XKR4: variants seen among roughly 807,000 people sequenced by gnomAD.
XKR4 encodes the protein XK-related protein 4.
XKR4 carries 12 observed loss-of-function variants against 53.9 expected under a neutral mutation model. That is an observed-to-expected ratio of 0.22 (90% CI 0.14 to 0.36). The LOEUF is 0.36. Ranked by LOEUF, XKR4 falls within the 10% of genes least tolerant of loss-of-function variation. XKR4 has a pLI of 1.00. For missense variants in XKR4, 799 were observed against 859.5 expected (o/e 0.93, Z 0.88); for synonymous variants, 354 against 362.4 (o/e 0.98, Z 0.26).
At chr8:55,407,586 A>C (rs1484471616) in intron 2 of XKR4, among the ~76,000 whole-genome samples, 1 of 152,136 alleles carries the variant, frequency 6.6e-6, no homozygotes, top group Non-Finnish European at 1.5e-5. Context: ...CGGGCTCAAC[A>C]TCGGCTCCAC....
chr8:55,394,687 TA>T (rs752096957), intron 2 of XKR4, among the ~76,000 whole-genome samples: 3 of 152,190 alleles, frequency 2.0e-5, no homozygotes, highest in East Asian at 3.8e-4. Context: ...AGCTATTCCA[TA>T]AGCATTTCTT....
At chr8:55,423,504 C>T (rs549051846) in intron 2 of XKR4, among the ~76,000 whole-genome samples, 14 of 152,324 alleles carry the variant, frequency 9.2e-5, no homozygotes, top group Admixed American at 2.0e-4. Flanking sequence ...AGCCATCTTT[C>T]CTTGTCTGGC....
chr8:55,210,094 T>C (rs1817710652), intron 1 of XKR4, among the ~76,000 whole-genome samples: 1 of 151,988 alleles, frequency 6.6e-6, no homozygotes, highest in South Asian at 2.1e-4. Flanking sequence ...CCATTTTTTT[T>C]TTTTTTTTTG....
At chr8:55,220,964 G>C (rs150948237) in intron 1 of XKR4, among the ~76,000 whole-genome samples, 4 of 152,308 alleles carry the variant, frequency 2.6e-5, no homozygotes, top group African/African-American at 7.2e-5. Context: ...GTTCAATGTG[G>C]CCAGACCTTT....
intron 1 of XKR4, among the ~76,000 whole-genome samples, chr8:55,252,823 C>T (rs1818378872): frequency 6.6e-6 from 1 of 152,136 alleles, no homozygotes; most frequent in Non-Finnish European, 1.5e-5. Flanking sequence ...ATTCTTTGTC[C>T]AGTGGGAGAG....
intron 1 of XKR4, among the ~76,000 whole-genome samples, chr8:55,117,445 C>T (rs567584670): frequency 5.9e-5 from 9 of 152,138 alleles, no homozygotes; most frequent in Non-Finnish European, 1.3e-4. Context: ...TGCTTAAGGC[C>T]GAGCAACATG....
intron 1 of XKR4, among the ~76,000 whole-genome samples, chr8:55,268,896 A>G (rs368010946): frequency 1.6e-4 from 24 of 152,316 alleles, no homozygotes; most frequent in African/African-American, 5.3e-4. Flanking sequence ...CTACATCTAT[A>G]TGTTCTAAAT....
At position 55,530,161 on chromosome 8, in the gene XKR4, A is replaced by C. The variant is rs1212606604; in HGVS notation, c.*5934A>C. 9.3e-6 allele frequency: 1 copy of C among 107,078 alleles called. No individual in the cohort carries two copies. Among genetic ancestry groups the C allele is most frequent in the African/African-American group, 3.7e-5 (1 of 26,760 alleles). The allele number at this position is 107,078 out of a possible 1,614,324, so 6.6% of individuals were successfully genotyped here. On this transcript the variant is annotated 3_prime_UTR_variant, in exon 3 of 3. Coordinates refer to ENST00000327381, the MANE Select transcript of XKR4 (RefSeq NM_052898.2). ...GGAAGGAAGAAGGAAGGAAGGAAGG[A>C]AGGAAGGAAGGAAGGAAGGAAGGAA...
intron 1 of XKR4, among the ~76,000 whole-genome samples, chr8:55,220,189 AATT>A (rs1298626001): frequency 6.6e-6 from 1 of 152,116 alleles, no homozygotes; most frequent in Admixed American, 6.5e-5. Flanking sequence ...AAATATACAT[AATT>A]ATTATTTATC....
At chr8:55,516,900 A>T (rs184886096) in intron 2 of XKR4, among the ~76,000 whole-genome samples, 3 of 152,142 alleles carry the variant, frequency 2.0e-5, no homozygotes, top group South Asian at 2.1e-4. Context: ...GGATTGGATT[A>T]AAAAAAATAT....
intron 2 of XKR4, among the ~76,000 whole-genome samples, chr8:55,482,786 T>A (rs1471609990): frequency 6.6e-6 from 1 of 152,198 alleles, no homozygotes; most frequent in African/African-American, 2.4e-5. Flanking sequence ...TTTCATTGAA[T>A]GTATTTTGGA....
chr8:55,439,116 A>G (rs1805228258), intron 2 of XKR4, among the ~76,000 whole-genome samples: 1 of 152,224 alleles, frequency 6.6e-6, no homozygotes, highest in South Asian at 2.1e-4. Flanking sequence ...ATTTCCAACT[A>G]CCTGCTCACT....
intron 2 of XKR4, among the ~76,000 whole-genome samples, chr8:55,484,484 G>A (rs2129401552): frequency 6.6e-6 from 1 of 152,304 alleles, no homozygotes; most frequent in Middle Eastern, 3.4e-3. Flanking sequence ...TAACCAAGCA[G>A]GGTTTGTACT....
intron 1 of XKR4, among the ~76,000 whole-genome samples, chr8:55,346,543 G>T (rs990370573): frequency 1.3e-5 from 2 of 152,226 alleles, no homozygotes; most frequent in African/African-American, 4.8e-5. Context: ...ATTCACCACA[G>T]AATGGAGAAG....
intron 2 of XKR4, among the ~76,000 whole-genome samples, chr8:55,412,691 A>C (rs1236721024): frequency 6.6e-6 from 1 of 152,246 alleles, no homozygotes; most frequent in Non-Finnish European, 1.5e-5. Flanking sequence ...AGCCTGATTC[A>C]AATAGGAGAA....
chr8:55,266,268 C>T (rs980460779), intron 1 of XKR4, among the ~76,000 whole-genome samples: 7 of 151,694 alleles, frequency 4.6e-5, no homozygotes, highest in African/African-American at 1.7e-4. Context: ...TACAGTGGGG[C>T]TTTCTAGGGG....
intron 2 of XKR4, chr8:55,452,114 GA>G: frequency 1.4e-6 from 1 of 690,732 alleles, no homozygotes. Flanking sequence ...GGGTGAAGGA[GA>G]AGGTGGCCCT....
chr8:55,418,219 G>A (rs182995790), intron 2 of XKR4, among the ~76,000 whole-genome samples: 3 of 152,162 alleles, frequency 2.0e-5, no homozygotes, highest in Non-Finnish European at 4.4e-5. Flanking sequence ...ACTCATGGAG[G>A]GGGTGTGGAT....
At chr8:55,207,006 C>T (rs1328141770) in intron 1 of XKR4, among the ~76,000 whole-genome samples, 1 of 152,216 alleles carries the variant, frequency 6.6e-6, no homozygotes, top group East Asian at 1.9e-4. Flanking sequence ...CAGCTGAGTC[C>T]TGTGATCCAC....
Sources: gnomAD v4.1 joint callset for allele counts (sites outside exome capture counted in the v4.1 genomes callset) on GRCh38, gnomAD v4.1.1 for gene constraint, MANE v1.5 for transcripts, NCBI Gene and HGNC (gene_info 2026-07-23, HGNC 2026-07-21) for gene names.